Variants in PHF20L1 observed in about 807,000 individuals in gnomAD.
The protein encoded by PHF20L1 is PHD finger protein 20 like 1.
PHF20L1 carries 44 observed loss-of-function variants against 125.5 expected under a neutral mutation model. The observed-to-expected ratio is 0.35, with a 90% CI of 0.28 to 0.45. The LOEUF (loss-of-function observed/expected upper bound fraction) is 0.45. Ranked by LOEUF, PHF20L1 falls within the 20% of genes least tolerant of loss-of-function variation. The pLI, the probability that PHF20L1 is intolerant of heterozygous loss-of-function variation, is 1.00. For missense variants in PHF20L1, 1,012 were observed against 1,217.2 expected (o/e 0.83, Z 2.51); for synonymous variants, 380 against 403.1 (o/e 0.94, Z 0.69).
chr8:132,843,801 T>A, intron 19 of PHF20L1: 1 of 985,300 alleles, frequency 1.0e-6, no homozygotes, highest in East Asian at 1.1e-4. Flanking sequence ...TCCACTCTTA[T>A]GTCCACTTAT....
chr8:132,819,553 C>G (rs1835348902), intron 12 of PHF20L1, among the ~76,000 whole-genome samples: 1 of 148,068 alleles, frequency 6.8e-6, no homozygotes, highest in African/African-American at 2.5e-5. Context: ...TCGGTGGTCT[C>G]TATGCTTTTC....
At chr8:132,810,043 T>C (rs2131619511) in intron 8 of PHF20L1, 1 of 151,174 alleles carries the variant, frequency 6.6e-6, no homozygotes, top group Non-Finnish European at 1.5e-5. Flanking sequence ...TACAATAAAA[T>C]ACTGTCTTTT....
intron 2 of PHF20L1, among the ~76,000 whole-genome samples, chr8:132,780,022 G>A (rs961905555): frequency 2.0e-5 from 3 of 152,082 alleles, no homozygotes; most frequent in African/African-American, 4.8e-5. Context: ...CTTGTTATCA[G>A]TTTTATTTTT....
At chr8:132,786,836 C>T (rs1194076711) in intron 2 of PHF20L1, among the ~76,000 whole-genome samples, 2 of 151,988 alleles carry the variant, frequency 1.3e-5, no homozygotes, top group Non-Finnish European at 2.9e-5. Flanking sequence ...TAGTTTTAAT[C>T]ATAACAATAA....
intron 4 of PHF20L1, among the ~76,000 whole-genome samples, chr8:132,795,158 G>A (rs1406821909): frequency 1.3e-5 from 2 of 152,070 alleles, no homozygotes; most frequent in Admixed American, 6.6e-5. Flanking sequence ...AGAGTGTGAG[G>A]AAAGGTTAAA....
Position 132,794,714 on chromosome 8 carries a change from TA to T in PHF20L1, c.256-15del. 1 of 1,596,354 alleles carries T rather than the reference TA, an allele frequency of 6.3e-7. No individual in the cohort carries two copies. On this transcript the variant is annotated intron_variant, in intron 3 of 20. Coordinates refer to ENST00000395386, the MANE Select transcript of PHF20L1 (RefSeq NM_016018.5). The stretch of plus-strand genomic sequence containing the variant: ...TATTTAATATACATGGAATTGATCT[TA>T]AAAGTTGTTTAAAATAGGATTTTAA...
chr8:132,816,761 C>G, intron 10 of PHF20L1, 127 bp from the exon 11 acceptor site: 1 of 668,040 alleles, frequency 1.5e-6, no homozygotes, highest in Non-Finnish European at 2.5e-6. Context: ...CATGCCATTC[C>G]TTGTGGATAT....
At chr8:132,786,266 G>A (rs1430001230) in intron 2 of PHF20L1, among the ~76,000 whole-genome samples, 1 of 151,986 alleles carries the variant, frequency 6.6e-6, no homozygotes, top group Non-Finnish European at 1.5e-5. Flanking sequence ...TTTTAATAAT[G>A]TGATGTATCA....
intron 2 of PHF20L1, 57 bp from the exon 3 acceptor site, chr8:132,794,353 C>G (rs1832142930): frequency 9.2e-7 from 1 of 1,083,918 alleles, no homozygotes; most frequent in Admixed American, 1.9e-5. Flanking sequence ...ATGTATAATG[C>G]TTTGTATAAA....
At chr8:132,782,627 C>T (rs991076599) in intron 2 of PHF20L1, among the ~76,000 whole-genome samples, 6 of 151,854 alleles carry the variant, frequency 4.0e-5, no homozygotes, top group African/African-American at 1.2e-4. Flanking sequence ...GTCACCCAGG[C>T]TGCAGTGCAG....
At chr8:132,810,728 G>T (rs1458056747) in intron 8 of PHF20L1, 1 of 221,096 alleles carries the variant, frequency 4.5e-6, no homozygotes, top group East Asian at 1.1e-4. Context: ...AGCAACCTGA[G>T]CAACCTTAAT....
chr8:132,830,161 C>T (rs752922178), intron 14 of PHF20L1, among the ~76,000 whole-genome samples: 2 of 152,002 alleles, frequency 1.3e-5, no homozygotes, highest in Non-Finnish European at 2.9e-5. Context: ...TTCTAGTTTC[C>T]AGAGGCTTCT....
intron 13 of PHF20L1, chr8:132,824,375 G>T (rs1476258638): frequency 9.6e-6 from 2 of 208,934 alleles, no homozygotes; most frequent in East Asian, 1.0e-4. Context: ...TTAGAGAATG[G>T]ATGCTAGATT....
intron 6 of PHF20L1, 49 bp from the exon 7 acceptor site, chr8:132,803,770 T>G: frequency 1.0e-6 from 1 of 991,212 alleles, no homozygotes; most frequent in Non-Finnish European, 1.5e-6. Context: ...TGTAATTACA[T>G]TTTAATTAAT....
At chr8:132,793,517 CTA>C (rs1832018889) in intron 2 of PHF20L1, among the ~76,000 whole-genome samples, 1 of 152,230 alleles carries the variant, frequency 6.6e-6, no homozygotes, top group East Asian at 1.9e-4. Context: ...ATGGGATAAA[CTA>C]TATGGCTGAA....
chr8:132,800,163 A>G (rs1832881143), intron 6 of PHF20L1, among the ~76,000 whole-genome samples: 1 of 151,514 alleles, frequency 6.6e-6, no homozygotes, highest in Admixed American at 6.6e-5. Context: ...CACTGAGCCA[A>G]TTTGGTTTGT....
chr8:132,794,686 G>A (rs1832175701), intron 3 of PHF20L1, 47 bp from the exon 4 acceptor site: 1 of 1,512,512 alleles, frequency 6.6e-7, no homozygotes. Context: ...GTTAAGAAAT[G>A]CTTATTTAAT....
At position 132,817,214 on chromosome 8, in the gene PHF20L1, A is replaced by G. The variant is rs932390204; in HGVS notation, c.1373-125A>G. 8 of 929,022 alleles carry G rather than the reference A, an allele frequency of 8.6e-6. No individual in the cohort carries two copies. In the African/African-American group the frequency reaches 1.3e-4, roughly 16 times the overall value. 57.5% of individuals were successfully genotyped at this position (929,022 alleles called of 1,614,324 possible). ...TATAAGCACTTCACTTATTCTACAA[A>G]TATTTATTGAGTGCCTTCTTTGTGC... On this transcript the variant is annotated intron_variant, in intron 11 of 20. Coordinates refer to ENST00000395386, the MANE Select transcript of PHF20L1 (RefSeq NM_016018.5).
intron 9 of PHF20L1, among the ~76,000 whole-genome samples, chr8:132,813,502 G>GA (rs1315638981): frequency 6.6e-6 from 1 of 151,852 alleles, no homozygotes; most frequent in Non-Finnish European, 1.5e-5. Context: ...TTAGTCCCCA[G>GA]AAAATGATCG....
Sources: gnomAD v4.1 joint callset for allele counts (sites outside exome capture counted in the v4.1 genomes callset) on GRCh38, gnomAD v4.1.1 for gene constraint, MANE v1.5 for transcripts, NCBI Gene and HGNC (gene_info 2026-07-23, HGNC 2026-07-21) for gene names.